Variants in WFS1 observed in about 807,000 individuals in gnomAD.
WFS1 encodes wolframin ER transmembrane glycoprotein, also known as wolframin.
WFS1 carries 90 observed loss-of-function variants against 68.5 expected under a neutral mutation model. That is an observed-to-expected ratio of 1.31 (90% CI 1.11 to 1.56). The LOEUF is 1.56. WFS1 is among the 40% of genes most tolerant of loss of function. WFS1 has a pLI of 0.00. For missense variants in WFS1, 1,767 were observed against 1,232.6 expected (o/e 1.43, Z -6.49); for synonymous variants, 860 against 540.7 (o/e 1.59, Z -8.19).
chr4:6,296,273 A>G (rs1283245873), intron 7 of WFS1, among the ~76,000 whole-genome samples: 2 of 152,206 alleles, frequency 1.3e-5, no homozygotes, highest in Non-Finnish European at 2.9e-5. Flanking sequence ...CCCAAAGAGC[A>G]GCAGGCACAG....
chr4:6,277,018 T>TTA (rs1730013028), intron 1 of WFS1, among the ~76,000 whole-genome samples: 3 of 152,350 alleles, frequency 2.0e-5, no homozygotes, highest in African/African-American at 7.2e-5. Context: ...AAAGACCTGT[T>TTA]TTTCCAAATA....
At chr4:6,276,447 C>T (rs1438373418) in intron 1 of WFS1, among the ~76,000 whole-genome samples, 2 of 152,132 alleles carry the variant, frequency 1.3e-5, no homozygotes, top group Admixed American at 1.3e-4. Flanking sequence ...TTCTGATGCC[C>T]CCACCGCACT....
Position 6,291,304 on chromosome 4 carries a change from A to C in WFS1, c.568A>C (p.Lys190Gln), listed in dbSNP as rs558699525. 2.5e-6 allele frequency: 4 copies of C among 1,613,222 alleles called. No homozygotes were observed. In the Admixed American group the frequency reaches 6.7e-5, roughly 27 times the overall value. ...ALVMYWKLNP[K>Q]KKKQVAVAEL... Reference sequence around the variant, plus strand: ...GGTCATGTACTGGAAGCTCAACCCCAAGAAGAAGAAGCAGGTGGCCGTGGC... The same window carrying C: ...GGTCATGTACTGGAAGCTCAACCCCCAGAAGAAGAAGCAGGTGGCCGTGGC... Residue 190 changes from lysine to glutamine, a missense_variant, in exon 5 of 8, where the codon AAG becomes CAG. Physicochemically the swap from Lys to Gln is moderately conservative, Grantham distance 53. Transcript: ENST00000226760.
intron 4 of WFS1, among the ~76,000 whole-genome samples, chr4:6,290,324 A>G (rs1030764973): frequency 1.3e-5 from 2 of 152,240 alleles, no homozygotes; most frequent in African/African-American, 4.8e-5. Flanking sequence ...TAACAGTGGC[A>G]TTGTTAGCCA....
rs1578584133 is a variant in WFS1 at position 6,275,601 on chromosome 4, G to T, written c.-5-1850G>T. 1.6e-3 allele frequency among the ~76,000 whole-genome samples: 2 copies of T among 1,284 alleles called. 1 individual carries two copies. The highest frequency in any genetic ancestry group is 6.6e-3 in the African/African-American group (2 of 302). 0.8% of individuals were successfully genotyped at this position (1,284 alleles called of 152,430 possible). A position where few individuals can be genotyped will look rare whatever the true frequency, so the allele number is the denominator to read the frequency against. ...CTGGGGGATGCACGGGGGTGGGGTG[G>T]GGGGGGGGGGTGTGCTTGACCATGC... On this transcript the variant is annotated intron_variant, in intron 1 of 7. Coordinates refer to ENST00000226760, the MANE Select transcript of WFS1 (RefSeq NM_006005.3).
chr4:6,302,419 T>C lies in WFS1; in HGVS notation c.2624T>C (p.Val875Ala), dbSNP rs1730979706. ...HDWRSTVHGA[V>A]KFAFDFFFFP... ...TGGCGCAGCACCGTGCATGGCGCCG[T>C]GAAGTTCGCCTTCGACTTCTTTTTC... The change falls in exon 8 of 8, where the codon GTG becomes GCG. Residue 875 changes from valine to alanine, a missense_variant. Val to Ala is a moderately conservative substitution (Grantham distance 64). Transcript: ENST00000226760. 6.2e-7 allele frequency: 1 copy of C among 1,613,210 alleles called. No individual in the cohort carries two copies. Among genetic ancestry groups the C allele is most frequent in the Admixed American group, 1.7e-5 (1 of 60,034 alleles).
Position 6,301,704 on chromosome 4 carries a change from C to G in WFS1, c.1909C>G (p.Leu637Val). 6.2e-7 allele frequency: 1 copy of G among 1,614,112 alleles called. No individual in the cohort carries two copies. The highest frequency in any genetic ancestry group is 1.1e-5 in the South Asian group (1 of 91,092). ...GCGGAGCTCCATGGTCAAGCTCATC[C>G]TGGTGTGGCTCACGGCCATCGTGCT... is the stretch of plus-strand genomic sequence containing the variant. Reference protein sequence around the residue: ...LTRSSMVKLILVWLTAIVLFC... With the variant: ...LTRSSMVKLIVVWLTAIVLFC... Residue 637 changes from leucine to valine, a missense_variant, in exon 8 of 8, where the codon CTG (leucine) becomes GTG (valine). Transcript: ENST00000226760.
chr4:6,279,440 G>A (rs1323527783), intron 2 of WFS1, among the ~76,000 whole-genome samples: 2 of 152,204 alleles, frequency 1.3e-5, no homozygotes, highest in Non-Finnish European at 2.9e-5. Context: ...CCAGCGTCCC[G>A]TGGTTGGTGA....
chr4:6,300,611 G>C, intron 7 of WFS1, 46 bp from the exon 8 acceptor site: 1 of 1,612,710 alleles, frequency 6.2e-7, no homozygotes, highest in African/African-American at 1.3e-5. Context: ...TGGGAGCAGT[G>C]GGGGTCCTGT....
intron 6 of WFS1, among the ~76,000 whole-genome samples, chr4:6,294,499 T>C (rs1266928527): frequency 6.6e-6 from 1 of 151,818 alleles, no homozygotes. Flanking sequence ...ATAGTAGGTG[T>C]GTGGCAGATC....
rs553590720 is a variant in WFS1, at chr4:6,292,097, C to T, written c.712+100C>T. ...GACTCCATCCTGGCCTGCCCTATCT[C>T]ACCCGTGCCTCCCAGCCTGCGCCTG... On this transcript the variant is annotated intron_variant, in intron 6 of 7. Coordinates refer to ENST00000226760, the MANE Select transcript of WFS1 (RefSeq NM_006005.3). The T allele has an allele frequency of 6.6e-5, 84 of 1,273,924 alleles. No homozygotes were observed. The African/African-American group carries it at 9.7e-4, about 15-fold the overall frequency. The allele number at this position is 1,273,924 out of a possible 1,614,324, so 78.9% of individuals were successfully genotyped here. A position where few individuals can be genotyped will look rare whatever the true frequency, so the allele number is the denominator to read the frequency against.
chr4:6,276,041 C>T (rs1240592716), intron 1 of WFS1, among the ~76,000 whole-genome samples: 3 of 152,202 alleles, frequency 2.0e-5, no homozygotes, highest in Non-Finnish European at 4.4e-5. Flanking sequence ...AGGAGTACAG[C>T]GCTGCGGCAG....
rs745380471 is a variant in WFS1 at position 6,302,064 on chromosome 4, C to T, written c.2269C>T (p.Leu757Phe). 1 of 1,612,918 alleles carries T rather than the reference C, an allele frequency of 6.2e-7. No individual in the cohort carries two copies. Among genetic ancestry groups the T allele is most frequent in the East Asian group, 2.2e-5 (1 of 44,882 alleles). Residue 757 changes from leucine (L) to phenylalanine (F), a missense_variant, in exon 8 of 8, where the codon CTT (leucine) becomes TTT (phenylalanine). Leu to Phe is a conservative substitution (Grantham distance 22, BLOSUM62 0). Transcript: ENST00000226760. ...TSTAEEELCR[L>F]KLLAKHPCHI... ...CACGGCCGAGGAGGAGCTCTGTCGC[C>T]TTAAGCTGCTGGCCAAGCACCCCTG...
In WFS1 at chr4:6,283,051, G is replaced by A. The variant is rs561278932; in HGVS notation, c.233-4042G>A. Among the ~76,000 whole-genome samples, 12 of 152,336 alleles carry A rather than the reference G, an allele frequency of 7.9e-5. No homozygotes were observed. The highest frequency in any genetic ancestry group is 2.4e-4 in the African/African-American group (10 of 41,562). ...GCGGAGCCTGTGATAGACGATGGAC[G>A]ATGACCCAGGTTCCAGCAAGATATG... On this transcript the variant is annotated intron_variant, in intron 2 of 7. Coordinates refer to ENST00000226760, the MANE Select transcript of WFS1 (RefSeq NM_006005.3). The surrounding 1 kb of genome is among the most constrained non-coding windows in gnomAD (Gnocchi z 5.0).
chr4:6,293,151 C>T (rs924029698), intron 6 of WFS1, among the ~76,000 whole-genome samples: 15 of 151,868 alleles, frequency 9.9e-5, no homozygotes, highest in Non-Finnish European at 1.9e-4. Context: ...GCAGGAGCAG[C>T]CCAGCCTGGG....
chr4:6,289,768 A>C (rs1181917570), intron 4 of WFS1, among the ~76,000 whole-genome samples: 1 of 152,230 alleles, frequency 6.6e-6, no homozygotes, highest in Non-Finnish European at 1.5e-5. Context: ...GAAAGATGAA[A>C]GTGGGTGTCA....
At chr4:6,292,056 C>G in intron 6 of WFS1, 59 bp downstream of exon 6, 1 of 1,501,792 alleles carries the variant, frequency 6.7e-7, no homozygotes, top group Non-Finnish European at 9.0e-7. Context: ...TGCAGGGCGA[C>G]CTCTCCTTCC....
chr4:6,275,882 G>A (rs1325412178), intron 1 of WFS1, among the ~76,000 whole-genome samples: 2 of 152,200 alleles, frequency 1.3e-5, no homozygotes, highest in Non-Finnish European at 2.9e-5. Flanking sequence ...TGGGTGTTCA[G>A]AGGTGGCCAG....
In WFS1 at chr4:6,278,026, T is replaced by G. The variant is rs189154344; in HGVS notation, c.232+339T>G. Among the ~76,000 whole-genome samples, 78 of 152,280 alleles carry G rather than the reference T, an allele frequency of 5.1e-4. 1 individual carries two copies. The highest frequency in any genetic ancestry group is 1.8e-3 in the African/African-American group (76 of 41,560). ...ACGGGCCCTCTGTAACCAACTAGGG[T>G]GGCAGGCCAGAGGTGACAGCCACAC... On this transcript the variant is annotated intron_variant, in intron 2 of 7. Transcript: ENST00000226760.
Sources: gnomAD v4.1 joint callset for allele counts (sites outside exome capture counted in the v4.1 genomes callset) on GRCh38, gnomAD v4.1.1 for gene constraint, Gnocchi (gnomAD v3.1) non-coding constraint, MANE v1.5 for transcripts, NCBI Gene and HGNC (gene_info 2026-07-23, HGNC 2026-07-21) for gene names.